PRELID2: variants seen among roughly 807,000 people sequenced by gnomAD.
PRELID2 encodes PRELI domain containing 2.
A neutral mutation model predicts 28.4 loss-of-function variants in PRELID2; 25 were observed. The observed-to-expected ratio is 0.88, with a 90% confidence interval of 0.64 to 1.23. The LOEUF is 1.23. Among genes scored for constraint, PRELID2 ranks in the 50% most tolerant of loss-of-function variants. PRELID2 has a pLI of 0.00. For synonymous variants in PRELID2, 76 were observed against 71.6 expected (o/e 1.06, Z -0.31); for missense variants, 201 against 214.4 (o/e 0.94, Z 0.39).
intron 1 of PRELID2, among the ~76,000 whole-genome samples, chr5:145,486,865 G>A (rs544795835): frequency 6.7e-6 from 1 of 150,228 alleles, no homozygotes; most frequent in Admixed American, 6.7e-5. Flanking sequence ...TGATAGACTG[G>A]ATTAAGAAAA....
rs1425827357 is a variant in PRELID2, at chr5:145,622,976, T to TA, written n.70+141954dup. 1.1e-4 allele frequency among the ~76,000 whole-genome samples: 17 copies of TA among 152,094 alleles called. No homozygotes were observed. The East Asian group carries it at 3.3e-3, about 29-fold the overall frequency. On this transcript the variant is annotated intron_variant and non_coding_transcript_variant, in intron 1 of 2. Coordinates refer to the PRELID2 transcript ENST00000510259. ...AATAAAAGGTTAAATCACAATTTTT[T>TA]AAAAAATTATATATTATTAAAATAT...
chr5:145,326,035 G>T, the PRELID2 span, among the ~76,000 whole-genome samples: 1 of 152,010 alleles, frequency 6.6e-6, no homozygotes, highest in Non-Finnish European at 1.5e-5. Flanking sequence ...TTGAGGCAGG[G>T]TCTTGCTCTG....
chr5:145,383,176 A>C, the PRELID2 span, among the ~76,000 whole-genome samples: 1 of 151,722 alleles, frequency 6.6e-6, no homozygotes, highest in Non-Finnish European at 1.5e-5. Context: ...TCTAGCACAG[A>C]AATACACACA....
At chr5:145,642,592 T>A (rs1203049753) in intron 1 of PRELID2, among the ~76,000 whole-genome samples, 6 of 152,242 alleles carry the variant, frequency 3.9e-5, no homozygotes, top group Admixed American at 3.9e-4. Context: ...TCTTTGCCCA[T>A]GCCTATGTCC....
the PRELID2 span, among the ~76,000 whole-genome samples, chr5:145,262,766 A>C: frequency 6.6e-6 from 1 of 152,186 alleles, no homozygotes; most frequent in African/African-American, 2.4e-5. Context: ...TCTATGAAAG[A>C]ATAACACAAT....
intron 1 of PRELID2, among the ~76,000 whole-genome samples, chr5:145,631,729 AT>A (rs1561525760): frequency 6.6e-6 from 1 of 152,218 alleles, no homozygotes; most frequent in Non-Finnish European, 1.5e-5. Context: ...GTAACTCTAT[AT>A]TGTCACCAAT....
chr5:145,394,469 T>C, the PRELID2 span, among the ~76,000 whole-genome samples: 3 of 151,722 alleles, frequency 2.0e-5, no homozygotes, highest in South Asian at 6.3e-4. Flanking sequence ...CATTAGGTGA[T>C]ATACCTAATG....
chr5:145,629,666 G>A (rs1753905190), intron 1 of PRELID2, among the ~76,000 whole-genome samples: 1 of 152,054 alleles, frequency 6.6e-6, no homozygotes, highest in South Asian at 2.1e-4. Flanking sequence ...AACTCTATGG[G>A]AAAAAATATT....
At chr5:145,717,892 G>A (rs1755885564) in intron 1 of PRELID2, among the ~76,000 whole-genome samples, 1 of 151,894 alleles carries the variant, frequency 6.6e-6, no homozygotes, top group Middle Eastern at 3.4e-3. Flanking sequence ...TCCTTCAGAG[G>A]CTGAGTATTT....
At chr5:145,459,076 C>T in the PRELID2 span, among the ~76,000 whole-genome samples, 3 of 152,120 alleles carry the variant, frequency 2.0e-5, no homozygotes, top group Non-Finnish European at 4.4e-5. Context: ...AAGCAGTGTG[C>T]TATTATGTGA....
chr5:145,723,664 T>G (rs1198463324), intron 1 of PRELID2, among the ~76,000 whole-genome samples: 1 of 152,178 alleles, frequency 6.6e-6, no homozygotes, highest in Non-Finnish European at 1.5e-5. Context: ...TTCTCTTCTA[T>G]CACATTGGCA....
At chr5:145,289,229 T>C in the PRELID2 span, among the ~76,000 whole-genome samples, 1 of 152,256 alleles carries the variant, frequency 6.6e-6, no homozygotes. Context: ...TATCTACTAC[T>C]ACAGGACTAT....
chr5:145,743,609 C>A (rs1756902089), intron 1 of PRELID2, among the ~76,000 whole-genome samples: 1 of 151,492 alleles, frequency 6.6e-6, no homozygotes, highest in South Asian at 2.1e-4. Flanking sequence ...CCCCACCCCC[C>A]AGCCAAGGGA....
chr5:145,398,379 C>T, the PRELID2 span, among the ~76,000 whole-genome samples: 1 of 152,164 alleles, frequency 6.6e-6, no homozygotes, highest in East Asian at 1.9e-4. Flanking sequence ...GAGTCAATTA[C>T]CAGTTGATTG....
chr5:145,819,378 C>T (rs1280289729), intron 3 of PRELID2: 3 of 1,599,126 alleles, frequency 1.9e-6, no homozygotes, highest in Non-Finnish European at 2.6e-6. Context: ...TTTCCACTCA[C>T]CTTTTTCCAA....
chr5:145,697,061 A>G (rs1378095539), intron 1 of PRELID2, among the ~76,000 whole-genome samples: 1 of 123,652 alleles, frequency 8.1e-6, no homozygotes, highest in East Asian at 2.2e-4. Flanking sequence ...ATATATATAT[A>G]TATATATATA....
chr5:145,583,603 C>T (rs1198964563), intron 1 of PRELID2, among the ~76,000 whole-genome samples: 2 of 152,050 alleles, frequency 1.3e-5, no homozygotes, highest in Non-Finnish European at 2.9e-5. Flanking sequence ...TCTCAGGATA[C>T]AAAATGAATG....
chr5:145,461,350 G>A, the PRELID2 span, among the ~76,000 whole-genome samples: 3 of 24 alleles, frequency 0.12, no homozygotes, highest in Non-Finnish European at 0.15. Context: ...GCCCAGGCTG[G>A]GGGGTGCAGT....
Position 145,604,881 on chromosome 5 carries a change from C to CTATATATATATATATATATATA in PRELID2, n.71-131567_71-131566insTATATATATATATATATATATA, listed in dbSNP as rs1347559677. ...GACCATATTTTAATATGCTTGTTGG[C>CTATATATATATATATATATATA]CATATATATATATATATATATATTC... On this transcript the variant is annotated intron_variant and non_coding_transcript_variant, in intron 1 of 2. Coordinates refer to the PRELID2 transcript ENST00000510259. Among the ~76,000 whole-genome samples, 193 of 85,594 alleles carry CTATATATATATATATATATATA rather than the reference C, an allele frequency of 2.3e-3. 7 individuals are homozygous for CTATATATATATATATATATATA. Among genetic ancestry groups the CTATATATATATATATATATATA allele is most frequent in the African/African-American group, 9.8e-3 (169 of 17,288 alleles). 56.2% of individuals were successfully genotyped at this position (85,594 alleles called of 152,430 possible).
Sources: gnomAD v4.1 joint callset for allele counts (sites outside exome capture counted in the v4.1 genomes callset) on GRCh38, gnomAD v4.1.1 for gene constraint, MANE v1.5 for transcripts, NCBI Gene and HGNC (gene_info 2026-07-23, HGNC 2026-07-21) for gene names.